Variants in ZNF112 observed in about 807,000 individuals in gnomAD.
The protein encoded by ZNF112 is zinc finger protein 112, also known as zinc finger protein 112 (Y14).
In ZNF112, 37 loss-of-function variants were observed where a neutral mutation model predicts 77.7. That is an observed-to-expected ratio of 0.48 (90% confidence interval 0.37 to 0.63). The LOEUF is 0.63. ZNF112 is among the 20% of genes least tolerant of loss of function. The pLI is 0.00. For synonymous variants in ZNF112, 333 were observed against 363.6 expected (o/e 0.92, Z 0.96); for missense variants, 950 against 1,077.4 (o/e 0.88, Z 1.66).
chr19:44,333,093 A>C (rs10422017), intron 3 of ZNF112, among the ~76,000 whole-genome samples: 1 of 152,082 alleles, frequency 6.6e-6, no homozygotes, highest in African/African-American at 2.4e-5. Flanking sequence ...AATTTATTAC[A>C]TCTTCATAGC....
At chr19:44,358,854 C>A (rs906083709), upstream of ZNF112, among the ~76,000 whole-genome samples, 5 of 152,104 alleles carry the variant, frequency 3.3e-5, no homozygotes, top group African/African-American at 1.2e-4. Flanking sequence ...TGCAGCCAAT[C>A]TTTCCCGACC....
At chr19:44,338,233 G>C (rs937895611) in intron 2 of ZNF112, among the ~76,000 whole-genome samples, 13 of 151,806 alleles carry the variant, frequency 8.6e-5, no homozygotes, top group African/African-American at 3.2e-4. Context: ...CTTGAGAAGT[G>C]GGGGGCTCTT....
At chr19:44,354,195 G>T (rs937846224) in intron 1 of ZNF112, among the ~76,000 whole-genome samples, 5 of 152,116 alleles carry the variant, frequency 3.3e-5, no homozygotes, top group African/African-American at 1.2e-4. Context: ...TATGGTAGTT[G>T]CCAGTGGTTA....
In ZNF112 at chr19:44,327,587, C is replaced by T; in HGVS notation, c.2570G>A (p.Cys857Tyr). Residue 857 changes from cysteine (C) to tyrosine (Y), a missense_variant, in exon 4 of 4, where the codon TGT (cysteine) becomes TAT (tyrosine). By Grantham distance (194) the Cys-to-Tyr change is radical (BLOSUM62 -2). Transcript: ENST00000354340. ...ACGGAAACCCTTACCACATGCATCA[C>T]ATTTGTATGGTTTCTCTCCTGTGTG... ...RVHTGEKPYK[C>Y]DACGKGFRWS... The T allele has an allele frequency of 6.2e-7, 1 of 1,614,100 alleles. No homozygotes were observed. Among genetic ancestry groups the T allele is most frequent in the African/African-American group, 1.3e-5 (1 of 75,048 alleles).
At chr19:44,347,549 CTT>C (rs201473795) in intron 1 of ZNF112, among the ~76,000 whole-genome samples, 4 of 77,362 alleles carry the variant, frequency 5.2e-5, no homozygotes, top group Non-Finnish European at 8.8e-5. Context: ...GCTATATGTC[CTT>C]TTTTTTTTTT....
chr19:44,362,334 A>C (rs754464536), intron 1 of ZNF112, among the ~76,000 whole-genome samples: 5 of 152,136 alleles, frequency 3.3e-5, no homozygotes, highest in Non-Finnish European at 7.4e-5. Flanking sequence ...GACATTGAGA[A>C]ATTTTTTAAT....
In ZNF112 at chr19:44,329,589, A is replaced by G. The variant is rs765923281; in HGVS notation, c.568T>C (p.Cys190Arg). The part of the protein sequence containing the change: ...MYLKESHNYQ[C>R]RCQQISMKNH... ...TTCATGGAAATTTGCTGACATCTAC[A>G]CTGATAATTATGTGACTCTTTCAGA... The change falls in exon 4 of 4, where the codon TGT (cysteine) becomes CGT (arginine). Residue 190 changes from cysteine to arginine, a missense_variant. By Grantham distance (180) the Cys-to-Arg change is radical (BLOSUM62 -3). Transcript: ENST00000354340. The G allele has an allele frequency of 3.1e-6, 5 of 1,614,054 alleles. No homozygotes were observed. In the African/African-American group the frequency reaches 6.7e-5, roughly 22 times the overall value.
Position 44,352,702 on chromosome 19 carries a change from T to C in ZNF112, c.-4+3924A>G, listed in dbSNP as rs140011219. Among the ~76,000 whole-genome samples, 3 of 152,040 alleles carry C rather than the reference T, an allele frequency of 2.0e-5. No homozygotes were observed. In the East Asian group the frequency reaches 5.8e-4, roughly 29 times the overall value. On this transcript the variant is annotated intron_variant, in intron 1 of 3. Coordinates refer to ENST00000354340, the MANE Select transcript of ZNF112 (RefSeq NM_013380.4). ...CAGGTGTATTTCTATACACTAACAA[T>C]GTACAACTGGAAACCAAAATTTTAA...
chr19:44,364,634 A>G (rs1599944858), intron 1 of ZNF112, among the ~76,000 whole-genome samples: 2 of 145,322 alleles, frequency 1.4e-5, no homozygotes, highest in African/African-American at 5.7e-5. Context: ...AAATATTCAG[A>G]AAAAAAAATA....
chr19:44,355,158 A>T (rs1970763921), intron 1 of ZNF112, among the ~76,000 whole-genome samples: 2 of 152,348 alleles, frequency 1.3e-5, no homozygotes, highest in South Asian at 4.1e-4. Context: ...TATTTTAGTC[A>T]TATTACATTT....
chr19:44,340,624 G>A (rs958433962), intron 1 of ZNF112, 82 bp from the exon 2 acceptor site: 1 of 1,596,902 alleles, frequency 6.3e-7, no homozygotes, highest in East Asian at 2.2e-5. Context: ...AGCTGTTCTG[G>A]AGTCTGGGCA....
chr19:44,357,270 A>T (rs527713282), upstream of ZNF112, among the ~76,000 whole-genome samples: 380 of 152,244 alleles, frequency 2.5e-3, 2 homozygotes, highest in South Asian at 0.021. Context: ...CTACCTACCT[A>T]CCTACTTACC....
chr19:44,365,690 A>G (rs1970897589), intron 1 of ZNF112, among the ~76,000 whole-genome samples: 1 of 152,098 alleles, frequency 6.6e-6, no homozygotes, highest in East Asian at 1.9e-4. Context: ...CAAAATCTGT[A>G]ATAATGTTCC....
At chr19:44,339,414 A>G (rs1970447896) in intron 2 of ZNF112, among the ~76,000 whole-genome samples, 1 of 152,228 alleles carries the variant, frequency 6.6e-6, no homozygotes, top group South Asian at 2.1e-4. Flanking sequence ...ACTGGAATCT[A>G]AGAGCAGCCA....
chr19:44,351,126 G>A (rs1970684392), intron 1 of ZNF112, among the ~76,000 whole-genome samples: 1 of 152,026 alleles, frequency 6.6e-6, no homozygotes, highest in Non-Finnish European at 1.5e-5. Context: ...GCTTATGGCT[G>A]CAGCACTCCA....
chr19:44,343,496 C>T (rs753443876), intron 1 of ZNF112, among the ~76,000 whole-genome samples: 1 of 152,212 alleles, frequency 6.6e-6, no homozygotes, highest in Non-Finnish European at 1.5e-5. Context: ...ACGGAGCAAC[C>T]TGCACAGCTG....
chr19:44,350,665 A>G (rs2123204227), intron 1 of ZNF112, among the ~76,000 whole-genome samples: 1 of 152,202 alleles, frequency 6.6e-6, no homozygotes, highest in East Asian at 1.9e-4. Context: ...CAAAAGTTAA[A>G]ACAAGTAATA....
Position 44,329,909 on chromosome 19 carries a change from C to G in ZNF112, c.248G>C (p.Ser83Thr). The G allele has an allele frequency of 6.2e-7, 1 of 1,612,326 alleles. No individual in the cohort carries two copies. Among genetic ancestry groups the G allele is most frequent in the Non-Finnish European group, 8.5e-7 (1 of 1,178,940 alleles). The change falls in exon 4 of 4, where the codon AGT becomes ACT. Residue 83 changes from serine (S) to threonine (T), a missense_variant. By Grantham distance (58) the Ser-to-Thr change is moderately conservative (BLOSUM62 1). Transcript: ENST00000354340. ...GTAGCTTACTGTTACTTCCTGAATA[C>G]TCTCCATCTTTTGTTGATTCTTCCT... is the stretch of plus-strand genomic sequence containing the variant. ...SGRKNQQKMESIQEVTVSYFS... is the reference protein window; with the variant it reads ...SGRKNQQKMETIQEVTVSYFS...
At chr19:44,365,794 T>C (rs1183605983) in intron 1 of ZNF112, among the ~76,000 whole-genome samples, 6 of 152,298 alleles carry the variant, frequency 3.9e-5, no homozygotes, top group Non-Finnish European at 5.9e-5. Context: ...AATAAGGTTA[T>C]GATTTTGTTG....
Sources: allele counts gnomAD v4.1 joint callset (sites outside exome capture counted in the v4.1 genomes callset), GRCh38; gene constraint gnomAD v4.1.1; transcripts MANE v1.5; gene names NCBI Gene and HGNC (gene_info 2026-07-23, HGNC 2026-07-21).